The following CDC20B variants were observed in gnomAD, a reference collection of about 807,000 sequenced individuals.
The protein encoded by CDC20B is cell division cycle 20B, also known as cell division cycle protein 20 homolog B.
A neutral mutation model predicts 64.1 loss-of-function variants in CDC20B; 58 were observed. That is an observed-to-expected ratio of 0.90 (90% CI 0.73 to 1.13). CDC20B has a LOEUF of 1.13. Among genes scored for constraint, CDC20B ranks in the 50% most tolerant of loss-of-function variants. The pLI is 0.00. For missense variants in CDC20B, 597 were observed against 633.0 expected (o/e 0.94, Z 0.61); for synonymous variants, 243 against 230.6 (o/e 1.05, Z -0.49).
At position 55,152,568 on chromosome 5, in the gene CDC20B, A is replaced by G. The variant is rs77365330; in HGVS notation, c.127-5712T>C. On this transcript the variant is annotated intron_variant, in intron 2 of 11. Transcript: ENST00000381375. The stretch of plus-strand genomic sequence containing the variant: ...GAGCTAATAGGCAGCTGTACACTAC[A>G]TACAGCTGTATAGATCATTGTCTCT... 8.5e-5 allele frequency among the ~76,000 whole-genome samples: 13 copies of G among 152,324 alleles called. No individual in the cohort carries two copies. The East Asian group carries it at 1.2e-3, about 14-fold the overall frequency.
intron 2 of CDC20B, among the ~76,000 whole-genome samples, chr5:55,153,652 G>A (rs1202265594): frequency 6.6e-6 from 1 of 152,132 alleles, no homozygotes; most frequent in Non-Finnish European, 1.5e-5. Flanking sequence ...TATTCAACTT[G>A]TTATCAGCAG....
intron 2 of CDC20B, chr5:55,164,401 AT>A (rs1023996687): frequency 7.4e-4 from 281 of 377,658 alleles, no homozygotes; most frequent in Middle Eastern, 1.4e-3. Flanking sequence ...GCAATGAAGG[AT>A]TTTTTTTTAA....
intron 2 of CDC20B, among the ~76,000 whole-genome samples, chr5:55,163,353 CA>C (rs920318707): frequency 6.0e-5 from 9 of 149,932 alleles, no homozygotes; most frequent in Admixed American, 4.0e-4. Context: ...GAGACCCTGC[CA>C]AAAAAAAAGT....
intron 3 of CDC20B, 134 bp from the exon 4 acceptor site, chr5:55,143,777 T>C: frequency 2.4e-6 from 2 of 816,904 alleles, no homozygotes; most frequent in Non-Finnish European, 3.8e-6. Flanking sequence ...CAAAGTCCAT[T>C]GCAGAGAGCA....
chr5:55,160,844 T>A, intron 2 of CDC20B: 1 of 792,266 alleles, frequency 1.3e-6, no homozygotes, highest in Non-Finnish European at 1.9e-6. Context: ...GTTACAGTTT[T>A]CAATAGAACT....
At chr5:55,159,857 T>G (rs546021199) in intron 2 of CDC20B, among the ~76,000 whole-genome samples, 11 of 152,232 alleles carry the variant, frequency 7.2e-5, no homozygotes, top group Admixed American at 2.6e-4. Context: ...CAGCTTAGCA[T>G]GGGGAATGAG....
chr5:55,140,552 G>A (rs1283229988), intron 4 of CDC20B, 145 bp from the exon 5 acceptor site: 4 of 551,672 alleles, frequency 7.3e-6, no homozygotes, highest in African/African-American at 5.8e-5. Flanking sequence ...CACAATAATC[G>A]CTATTATTTA....
At chr5:55,140,500 T>C in intron 4 of CDC20B, 93 bp from the exon 5 acceptor site, 1 of 757,464 alleles carries the variant, frequency 1.3e-6, no homozygotes, top group Non-Finnish European at 2.1e-6. Flanking sequence ...AACTGGTAAT[T>C]CACTAAGGAG....
In CDC20B at chr5:55,121,283, C is replaced by T. The variant is rs117290678; in HGVS notation, c.1216-733G>A. 3.0e-4 allele frequency among the ~76,000 whole-genome samples: 45 copies of T among 152,140 alleles called. No individual in the cohort carries two copies. The East Asian group carries it at 6.8e-3, about 23-fold the overall frequency. ...AAATATTTTATAAAGTAGCAAACAT[C>T]GTGTTTATACTATTTGATTATTTTC... On this transcript the variant is annotated intron_variant, in intron 9 of 11. Coordinates refer to ENST00000381375, the MANE Select transcript of CDC20B (RefSeq NM_001170402.1).
chr5:55,125,779 T>A (rs1165103071), intron 8 of CDC20B, among the ~76,000 whole-genome samples: 1 of 152,260 alleles, frequency 6.6e-6, no homozygotes, highest in Non-Finnish European at 1.5e-5. Flanking sequence ...TGTTTAAAAC[T>A]ATGCAATGCT....
intron 2 of CDC20B, 85 bp downstream of exon 2, chr5:55,172,503 C>T: frequency 1.7e-6 from 2 of 1,145,756 alleles, no homozygotes; most frequent in South Asian, 2.6e-5. Context: ...CCAGCTCAAA[C>T]TTCCTACAAA....
chr5:55,137,176 CAAA>C (rs56678420), intron 5 of CDC20B: 611 of 114,248 alleles, frequency 5.3e-3, no homozygotes, highest in South Asian at 0.016. Context: ...GACTCTGTCT[CAAA>C]AAAAAAAAAA....
intron 3 of CDC20B, among the ~76,000 whole-genome samples, chr5:55,144,648 T>C (rs542510649): frequency 6.6e-6 from 1 of 152,364 alleles, no homozygotes; most frequent in African/African-American, 2.4e-5. Context: ...AAATTATGCA[T>C]GCTTGCTTTC....
chr5:55,140,251 A>C, intron 5 of CDC20B, 63 bp downstream of exon 5: 1 of 888,502 alleles, frequency 1.1e-6, no homozygotes, highest in Non-Finnish European at 1.7e-6. Flanking sequence ...TAAGATTAGG[A>C]AGAAATGAAG....
At chr5:55,125,562 T>C (rs913323804) in intron 8 of CDC20B, among the ~76,000 whole-genome samples, 7 of 152,226 alleles carry the variant, frequency 4.6e-5, no homozygotes, top group Non-Finnish European at 8.8e-5. Context: ...TTAAAACCAA[T>C]TGAATGTCAC....
chr5:55,146,533 G>A, intron 3 of CDC20B, 95 bp downstream of exon 3: 1 of 811,342 alleles, frequency 1.2e-6, no homozygotes, highest in Non-Finnish European at 2.0e-6. Context: ...TTGACTCAAA[G>A]TGACACTCCT....
Position 55,164,159 on chromosome 5 carries a change from A to G in CDC20B, c.126+8429T>C, listed in dbSNP as rs1331907181. On this transcript the variant is annotated intron_variant, in intron 2 of 11. Transcript: ENST00000381375. ...GCCAGAGGAGCCCATTGAAGTCATC[A>G]GGCCTGACATAGCAGCTCTGGTTAG... 1.2e-6 allele frequency: 2 copies of G among 1,600,846 alleles called. No homozygotes were observed.
At chr5:55,154,551 G>T (rs1368601895) in intron 2 of CDC20B, among the ~76,000 whole-genome samples, 1 of 151,952 alleles carries the variant, frequency 6.6e-6, no homozygotes, top group African/African-American at 2.4e-5. Flanking sequence ...AACCCAAAAG[G>T]AACTGTCTTC....
At position 55,128,717 on chromosome 5, in the gene CDC20B, C is replaced by T. The variant is rs558749926; in HGVS notation, c.698-100G>A. 1.5e-5 allele frequency: 12 copies of T among 809,940 alleles called. No individual in the cohort carries two copies. The South Asian group carries it at 3.5e-4, about 24-fold the overall frequency. The allele number at this position is 809,940 out of a possible 1,614,324, so 50.2% of individuals were successfully genotyped here. ...GTAGGGGGAAAAGAATAATACCATC[C>T]CCATGGTTAGCTGGAAAATGGAAAC... On this transcript the variant is annotated intron_variant, in intron 6 of 11. Coordinates refer to ENST00000381375, the MANE Select transcript of CDC20B (RefSeq NM_001170402.1).
Sources: gnomAD v4.1 joint callset for allele counts (sites outside exome capture counted in the v4.1 genomes callset) on GRCh38, gnomAD v4.1.1 for gene constraint, MANE v1.5 for transcripts, NCBI Gene and HGNC (gene_info 2026-07-23, HGNC 2026-07-21) for gene names.